Variants in CFAP77 observed in about 807,000 individuals in gnomAD.
CFAP77 encodes cilia and flagella associated protein 77, also known as cilia- and flagella-associated protein 77.
A neutral mutation model predicts 31.1 loss-of-function variants in CFAP77; 25 were observed. The ratio of observed to expected loss-of-function variants is 0.80; its 90% CI spans 0.59 to 1.12. The LOEUF (loss-of-function observed/expected upper bound fraction) is 1.12, where lower values mean the gene tolerates loss of function less well. CFAP77 is among the 50% of genes most tolerant of loss of function. The pLI, the probability that CFAP77 is intolerant of heterozygous loss-of-function variation, is 0.00. For synonymous variants in CFAP77, 151 were observed against 159.9 expected (o/e 0.94, Z 0.42); for missense variants, 377 against 397.3 (o/e 0.95, Z 0.44).
intron 5 of CFAP77, among the ~76,000 whole-genome samples, chr9:132,560,614 T>C (rs1362002163): frequency 6.6e-6 from 1 of 152,162 alleles, no homozygotes; most frequent in Non-Finnish European, 1.5e-5. Flanking sequence ...TTCCTTCTGC[T>C]CCGGTAAGTC....
chr9:132,497,894 AGACCGCGTGGCAG>A lies in CFAP77; in HGVS notation c.196-798_196-786del, dbSNP rs1851770295. Among the ~76,000 whole-genome samples the A allele has an allele frequency of 6.6e-6, 1 of 152,104 alleles. No individual in the cohort carries two copies. On this transcript the variant is annotated intron_variant, in intron 1 of 5. Coordinates refer to ENST00000393216, the MANE Select transcript of CFAP77 (RefSeq NM_001282957.2). The surrounding 1 kb of genome is among the most constrained non-coding windows in gnomAD (Gnocchi z 4.9). ...CTCGAGGAGCTGCTGTGATAAAGGG[AGACCGCGTGGCAG>A]GATGATCAAGAGCGCCAGTCAAGAG...
intron 5 of CFAP77, among the ~76,000 whole-genome samples, chr9:132,569,000 G>A (rs1409490573): frequency 2.0e-5 from 3 of 152,154 alleles, no homozygotes; most frequent in African/African-American, 7.2e-5. Context: ...TTGTCTGGCC[G>A]TTGATGGCTA....
At chr9:132,443,257 GTT>G (rs547420950) in intron 1 of CFAP77, among the ~76,000 whole-genome samples, 1 of 138,652 alleles carries the variant, frequency 7.2e-6, no homozygotes. Context: ...TTTTATTTTT[GTT>G]TTTTTTTTTT....
At position 132,572,783 on chromosome 9, in the gene CFAP77, C is replaced by T. The variant is rs1665451630; in HGVS notation, c.*273C>T. 2.1e-6 allele frequency: 1 copy of T among 465,288 alleles called. No individual in the cohort carries two copies. Among genetic ancestry groups the T allele is most frequent in the African/African-American group, 2.0e-5 (1 of 49,784 alleles). 28.8% of individuals were successfully genotyped at this position (465,288 alleles called of 1,614,324 possible). A position where few individuals can be genotyped will look rare whatever the true frequency, so the allele number is the denominator to read the frequency against. On this transcript the variant is annotated 3_prime_UTR_variant, in exon 6 of 6. Transcript: ENST00000393216. ...CTAGGGCAGGCTCACCCTGCCTCTTCTCAAGCCCTCACCTGCCAAGACAAG... is the reference window on the plus strand; with the variant it reads ...CTAGGGCAGGCTCACCCTGCCTCTTTTCAAGCCCTCACCTGCCAAGACAAG...
At position 132,432,017 on chromosome 9, in the gene CFAP77, T is replaced by C. The variant is rs552748918; in HGVS notation, c.195+21551T>C. 1.9e-4 allele frequency among the ~76,000 whole-genome samples: 29 copies of C among 152,210 alleles called. No homozygotes were observed. The South Asian group carries it at 5.2e-3, about 27-fold the overall frequency. ...AACAAAACCACGCCTGTGAACGTCA[T>C]AGGCACATTGTGAAGAACCAAAAAT... On this transcript the variant is annotated intron_variant, in intron 1 of 5. Transcript: ENST00000393216.
chr9:132,436,733 A>C (rs1056714405), intron 1 of CFAP77, among the ~76,000 whole-genome samples: 8 of 152,328 alleles, frequency 5.3e-5, no homozygotes, highest in Non-Finnish European at 1.2e-4. Context: ...GGCAATTCAA[A>C]GTGATAATTA....
intron 1 of CFAP77, among the ~76,000 whole-genome samples, chr9:132,411,094 C>T (rs1035825335): frequency 1.3e-5 from 2 of 152,260 alleles, no homozygotes; most frequent in African/African-American, 2.4e-5. Flanking sequence ...CCTTCCATTA[C>T]ACTTCCCTCC....
Position 132,455,663 on chromosome 9 carries a change from G to A in CFAP77, c.196-43032G>A, listed in dbSNP as rs1281039566. On this transcript the variant is annotated intron_variant, in intron 1 of 5. Transcript: ENST00000393216. This position sits in a 1 kb window ranked among gnomAD's most constrained non-coding sequence, Gnocchi z 4.1. Reference sequence around the variant, plus strand: ...GGAGGATCGCTTGAGCCTGGGAGGCGGAGGTTGTAGTGAGTTGAGATCGCA... The same window carrying A: ...GGAGGATCGCTTGAGCCTGGGAGGCAGAGGTTGTAGTGAGTTGAGATCGCA... Among the ~76,000 whole-genome samples, 4 of 152,096 alleles carry A rather than the reference G, an allele frequency of 2.6e-5. No individual in the cohort carries two copies. Among genetic ancestry groups the A allele is most frequent in the Admixed American group, 6.6e-5 (1 of 15,262 alleles).
At position 132,453,385 on chromosome 9, in the gene CFAP77, G is replaced by A. The variant is rs111774201; in HGVS notation, c.195+42919G>A. ...GCTAAAATACAAAAAAATTAGCTGG[G>A]CAAGACGGCATGCGCCTGTAATCCC... is the stretch of plus-strand genomic sequence containing the variant. On this transcript the variant is annotated intron_variant, in intron 1 of 5. Coordinates refer to ENST00000393216, the MANE Select transcript of CFAP77 (RefSeq NM_001282957.2). 2.1e-3 allele frequency among the ~76,000 whole-genome samples: 313 copies of A among 150,378 alleles called. 1 individual carries two copies. The highest frequency in any genetic ancestry group is 6.9e-3 in the African/African-American group (275 of 40,054).
chr9:132,561,458 G>T (rs971431044), intron 5 of CFAP77, among the ~76,000 whole-genome samples: 2 of 151,940 alleles, frequency 1.3e-5, no homozygotes, highest in African/African-American at 4.8e-5. Context: ...TGGCCAGTGC[G>T]TGGGGAGGGG....
intron 5 of CFAP77, among the ~76,000 whole-genome samples, chr9:132,568,416 C>T (rs1266031308): frequency 6.6e-6 from 1 of 151,874 alleles, no homozygotes; most frequent in East Asian, 1.9e-4. Flanking sequence ...ATTAGCCAGG[C>T]ATGGTGGCAG....
In CFAP77 at chr9:132,511,827, G is replaced by A. The variant is rs184168815; in HGVS notation, c.524+12227G>A. On this transcript the variant is annotated intron_variant, in intron 3 of 5. Coordinates refer to ENST00000393216, the MANE Select transcript of CFAP77 (RefSeq NM_001282957.2). The surrounding 1 kb of genome is among the most constrained non-coding windows in gnomAD (Gnocchi z 5.8). ...TCCCAGCACTGTGGGAGGCTGAGGC[G>A]GGCGGATCACGAGGTCAGGAGTTCG... 1.2e-3 allele frequency among the ~76,000 whole-genome samples: 178 copies of A among 152,236 alleles called. 2 individuals are homozygous for A. Among genetic ancestry groups the A allele is most frequent in the African/African-American group, 3.9e-3 (160 of 41,548 alleles).
In CFAP77 at chr9:132,455,795, T is replaced by C. The variant is rs1271539371; in HGVS notation, c.196-42900T>C. On this transcript the variant is annotated intron_variant, in intron 1 of 5. Transcript: ENST00000393216. The surrounding 1 kb of genome is among the most constrained non-coding windows in gnomAD (Gnocchi z 4.1). The stretch of plus-strand genomic sequence containing the variant: ...TCTCTCCACTCAGCTCCCAACAGGA[T>C]GCAATTGTCAAGGAAAGGCTGTAAC... Among the ~76,000 whole-genome samples, 1 of 152,106 alleles carries C rather than the reference T, an allele frequency of 6.6e-6. No homozygotes were observed. Among genetic ancestry groups the C allele is most frequent in the Non-Finnish European group, 1.5e-5 (1 of 68,028 alleles).
intron 1 of CFAP77, among the ~76,000 whole-genome samples, chr9:132,464,922 T>A (rs1296259892): frequency 6.6e-6 from 1 of 151,664 alleles, no homozygotes; most frequent in Non-Finnish European, 1.5e-5. Flanking sequence ...AATACAAAAA[T>A]TAACCGGGTG....
chr9:132,560,069 G>C (rs1459545229), intron 5 of CFAP77, among the ~76,000 whole-genome samples: 1 of 152,182 alleles, frequency 6.6e-6, no homozygotes, highest in African/African-American at 2.4e-5. Context: ...GTTTCTTTTG[G>C]GGGTGATGAA....
At chr9:132,467,399 C>G (rs1851172172) in intron 1 of CFAP77, among the ~76,000 whole-genome samples, 1 of 152,236 alleles carries the variant, frequency 6.6e-6, no homozygotes, top group Middle Eastern at 3.4e-3. Context: ...TCCTTTCTGT[C>G]TCTGCTAATT....
intron 1 of CFAP77, among the ~76,000 whole-genome samples, chr9:132,467,976 C>T (rs1209916509): frequency 6.6e-6 from 1 of 151,992 alleles, no homozygotes; most frequent in East Asian, 1.9e-4. Context: ...ATAAGGGGCA[C>T]ACAAGCAGAT....
chr9:132,530,141 T>TC (rs1384355041), intron 3 of CFAP77, among the ~76,000 whole-genome samples: 1 of 147,244 alleles, frequency 6.8e-6, no homozygotes, highest in Non-Finnish European at 1.5e-5. Context: ...CTTTTCTTTT[T>TC]TTTTTTTTTT....
rs538139245 is a variant in CFAP77, at chr9:132,458,348, A to AGG, written c.196-40338_196-40337dup. ...TCCACCTTTGTCTCCCTGGCGGGGG[A>AGG]GGGGGGGGGGTGTGTATGGAAGGCT... On this transcript the variant is annotated intron_variant, in intron 1 of 5. Transcript: ENST00000393216. 9.2e-4 allele frequency among the ~76,000 whole-genome samples: 95 copies of AGG among 103,762 alleles called. 1 individual carries two copies. The South Asian group carries it at 0.011, about 12-fold the overall frequency. The allele number at this position is 103,762 out of a possible 152,430, so 68.1% of individuals were successfully genotyped here.
Sources: gnomAD v4.1 joint callset for allele counts (sites outside exome capture counted in the v4.1 genomes callset) on GRCh38, gnomAD v4.1.1 for gene constraint, Gnocchi (gnomAD v3.1) non-coding constraint, MANE v1.5 for transcripts, NCBI Gene and HGNC (gene_info 2026-07-23, HGNC 2026-07-21) for gene names.